Variants in LRRC4C observed in about 807,000 individuals in gnomAD.
LRRC4C encodes the protein leucine-rich repeat-containing protein 4C.
LRRC4C carries 5 observed loss-of-function variants against 33.6 expected under a neutral mutation model. The observed-to-expected ratio is 0.15, with a 90% CI of 0.08 to 0.31. The LOEUF (loss-of-function observed/expected upper bound fraction) is 0.31. Among genes scored for constraint, LRRC4C ranks in the 10% least tolerant of loss-of-function variants. LRRC4C has a pLI of 1.00. For synonymous variants in LRRC4C, 329 were observed against 302.0 expected, an observed-to-expected ratio of 1.09 and a Z score of -0.93; for missense variants, 560 against 796.7, an observed-to-expected ratio of 0.70 and a Z score of 3.58.
intron 3 of LRRC4C, among the ~76,000 whole-genome samples, chr11:40,450,403 T>A (rs1035881105): frequency 6.6e-6 from 1 of 152,170 alleles, no homozygotes; most frequent in African/African-American, 2.4e-5. Flanking sequence ...ATGTGTGGAT[T>A]TCTATATTAT....
At chr11:40,588,863 C>G (rs991493281) in intron 3 of LRRC4C, among the ~76,000 whole-genome samples, 4 of 152,060 alleles carry the variant, frequency 2.6e-5, no homozygotes, top group African/African-American at 9.7e-5. Context: ...AGTTTCTGTT[C>G]TTTTACATTT....
chr11:40,652,802 G>GC (rs1330487302), intron 2 of LRRC4C, among the ~76,000 whole-genome samples: 1 of 152,120 alleles, frequency 6.6e-6, no homozygotes, highest in East Asian at 1.9e-4. Context: ...TTTTCAGGAG[G>GC]CCCCAAGGGC....
At chr11:40,991,811 G>C (rs1408892848) in intron 1 of LRRC4C, among the ~76,000 whole-genome samples, 4 of 152,186 alleles carry the variant, frequency 2.6e-5, no homozygotes, top group Non-Finnish European at 5.9e-5. Flanking sequence ...AGCTCAGGCT[G>C]TAATGTGAGC....
intron 5 of LRRC4C, among the ~76,000 whole-genome samples, chr11:40,237,069 A>G (rs1413788464): frequency 1.3e-5 from 2 of 152,224 alleles, no homozygotes; most frequent in East Asian, 1.9e-4. Flanking sequence ...TGAGCAGACT[A>G]TATATCAACC....
chr11:40,840,509 C>T (rs953655843), intron 2 of LRRC4C, among the ~76,000 whole-genome samples: 1 of 152,096 alleles, frequency 6.6e-6, no homozygotes, highest in African/African-American at 2.4e-5. Flanking sequence ...AATGAAATAG[C>T]TGGAAAGGCA....
chr11:40,410,366 T>G lies in LRRC4C; in HGVS notation c.-269-90645A>C, dbSNP rs1424859097. ...AATATTTTACTTTCTTTTTTTGCACTAAATCATCAAAGTTTAATATGTAAT... is the reference window on the plus strand; with the variant it reads ...AATATTTTACTTTCTTTTTTTGCACGAAATCATCAAAGTTTAATATGTAAT... On this transcript the variant is annotated intron_variant, in intron 3 of 6. Coordinates refer to ENST00000528697, the MANE Select transcript of LRRC4C (RefSeq NM_001258419.2). Among the ~76,000 whole-genome samples, 13 of 152,232 alleles carry G rather than the reference T, an allele frequency of 8.5e-5. No individual in the cohort carries two copies. In the East Asian group the frequency reaches 2.5e-3, roughly 29 times the overall value.
intron 1 of LRRC4C, among the ~76,000 whole-genome samples, chr11:40,986,928 G>C (rs1853056225): frequency 6.6e-6 from 1 of 152,164 alleles, no homozygotes; most frequent in African/African-American, 2.4e-5. Flanking sequence ...CTGTTGCAAA[G>C]GCAAAACCAA....
At chr11:40,533,737 A>G (rs921042088) in intron 3 of LRRC4C, among the ~76,000 whole-genome samples, 2 of 152,134 alleles carry the variant, frequency 1.3e-5, no homozygotes, top group Non-Finnish European at 2.9e-5. Context: ...AGGATACTCT[A>G]ACCATAATCA....
At chr11:40,340,524 G>A (rs1590368362) in intron 3 of LRRC4C, among the ~76,000 whole-genome samples, 1 of 152,090 alleles carries the variant, frequency 6.6e-6, no homozygotes, top group Non-Finnish European at 1.5e-5. Context: ...ATATTAATAT[G>A]TATAAGTATA....
intron 3 of LRRC4C, among the ~76,000 whole-genome samples, chr11:40,333,740 A>T (rs1946468343): frequency 7.3e-6 from 1 of 136,682 alleles, no homozygotes; most frequent in South Asian, 2.4e-4. Flanking sequence ...AAAAAAAAAA[A>T]AGAATTCATA....
intron 1 of LRRC4C, among the ~76,000 whole-genome samples, chr11:41,094,817 T>C (rs1940702771): frequency 1.3e-5 from 2 of 152,200 alleles, no homozygotes; most frequent in African/African-American, 4.8e-5. Context: ...CAATATTTAT[T>C]GAATAGATAA....
chr11:41,051,598 A>T (rs991516384), intron 1 of LRRC4C, among the ~76,000 whole-genome samples: 2 of 132,886 alleles, frequency 1.5e-5, no homozygotes, highest in East Asian at 4.6e-4. Context: ...ATTTTTAAAA[A>T]TTTTTATTTA....
chr11:41,380,773 C>T (rs1038081295), intron 1 of LRRC4C, among the ~76,000 whole-genome samples: 1 of 152,112 alleles, frequency 6.6e-6, no homozygotes, highest in African/African-American at 2.4e-5. Flanking sequence ...CGTGACCTGG[C>T]AGAATCTTGG....
intron 1 of LRRC4C, among the ~76,000 whole-genome samples, chr11:41,017,999 G>A (rs1855710616): frequency 6.6e-6 from 1 of 151,892 alleles, no homozygotes; most frequent in Non-Finnish European, 1.5e-5. Context: ...TGGTCTTCAA[G>A]ATGATAATCC....
At chr11:40,404,601 C>T (rs568239676) in intron 3 of LRRC4C, among the ~76,000 whole-genome samples, 14 of 152,122 alleles carry the variant, frequency 9.2e-5, no homozygotes, top group African/African-American at 3.4e-4. Context: ...GTTATGCCCA[C>T]TTTTTCTTTT....
intron 1 of LRRC4C, among the ~76,000 whole-genome samples, chr11:41,382,169 A>C (rs934526652): frequency 1.3e-5 from 2 of 152,042 alleles, no homozygotes; most frequent in African/African-American, 4.8e-5. Context: ...CTTTGTAGTG[A>C]AACTAAAGAT....
At chr11:40,706,292 T>A (rs933671327) in intron 2 of LRRC4C, among the ~76,000 whole-genome samples, 5 of 152,222 alleles carry the variant, frequency 3.3e-5, no homozygotes, top group Non-Finnish European at 5.9e-5. Flanking sequence ...CCCATGCCTA[T>A]GTCCTGAATG....
chr11:41,230,986 T>A (rs1369124779), intron 1 of LRRC4C, among the ~76,000 whole-genome samples: 1 of 151,528 alleles, frequency 6.6e-6, no homozygotes, highest in Non-Finnish European at 1.5e-5. Context: ...AAGAAGACAT[T>A]TATGCAACCA....
Position 41,156,713 on chromosome 11 carries a change from G to A in LRRC4C, c.-495-222990C>T, listed in dbSNP as rs976766974. 9.2e-5 allele frequency among the ~76,000 whole-genome samples: 14 copies of A among 152,186 alleles called. No homozygotes were observed. The East Asian group carries it at 2.5e-3, about 27-fold the overall frequency. On this transcript the variant is annotated intron_variant, in intron 1 of 6. Coordinates refer to ENST00000528697, the MANE Select transcript of LRRC4C (RefSeq NM_001258419.2). ...AAAGTATAGCAAGAAAAGCGGAGGG[G>A]CATTAGGGCAGCAAGTTGCAGTATT...
Sources: allele counts gnomAD v4.1 joint callset (sites outside exome capture counted in the v4.1 genomes callset), GRCh38; gene constraint gnomAD v4.1.1; transcripts MANE v1.5; gene names NCBI Gene and HGNC (gene_info 2026-07-23, HGNC 2026-07-21).